The following ROR1 variants were observed in gnomAD, a reference collection of about 807,000 sequenced individuals.
ROR1 encodes the protein ROR family WNT receptor 1.
In ROR1, 19 loss-of-function variants were observed where a neutral mutation model predicts 78.8. The ratio of observed to expected loss-of-function variants is 0.24; its 90% CI spans 0.17 to 0.35. The LOEUF (loss-of-function observed/expected upper bound fraction) is 0.35, where lower values mean the gene tolerates loss of function less well. Ranked by LOEUF, ROR1 falls within the 10% of genes least tolerant of loss-of-function variation. The pLI, the probability that ROR1 is intolerant of heterozygous loss-of-function variation, is 1.00. For missense variants in ROR1, 917 were observed against 1,177.8 expected (o/e 0.78, Z 3.24); for synonymous variants, 386 against 433.6 (o/e 0.89, Z 1.36).
intron 4 of ROR1, among the ~76,000 whole-genome samples, chr1:64,121,059 C>CTTTTTTTTT (rs200292093): frequency 2.7e-4 from 22 of 82,024 alleles, no homozygotes; most frequent in Non-Finnish European, 3.1e-4. Flanking sequence ...GGAGATACCC[C>CTTTTTTTTT]TTTTTTTTTT....
chr1:64,150,793 T>C (rs867712902), intron 7 of ROR1, among the ~76,000 whole-genome samples: 7 of 152,244 alleles, frequency 4.6e-5, no homozygotes, highest in Non-Finnish European at 1.0e-4. Flanking sequence ...CCAAAACTTA[T>C]AGCTAAGTCA....
At chr1:63,851,585 A>G (rs1043789333) in intron 1 of ROR1, among the ~76,000 whole-genome samples, 1 of 152,238 alleles carries the variant, frequency 6.6e-6, no homozygotes, top group Admixed American at 6.5e-5. Flanking sequence ...GGGAAAAATT[A>G]CAATGAATAG....
At chr1:64,111,413 C>T (rs548357041) in intron 4 of ROR1, 2 of 152,288 alleles carry the variant, frequency 1.3e-5, no homozygotes, top group South Asian at 4.1e-4. Context: ...AGTGCTAATC[C>T]AGTTGACTTG....
At chr1:63,882,425 G>A (rs1645329340) in intron 1 of ROR1, among the ~76,000 whole-genome samples, 1 of 152,166 alleles carries the variant, frequency 6.6e-6, no homozygotes, top group Non-Finnish European at 1.5e-5. Flanking sequence ...TATACTGATG[G>A]CTTGGTTAGA....
chr1:64,071,600 G>GAC lies in ROR1; in HGVS notation c.482+20900_482+20901dup, dbSNP rs148629663. Among the ~76,000 whole-genome samples the GAC allele has an allele frequency of 3.5e-4, 41 of 116,558 alleles. 1 individual carries two copies. Among genetic ancestry groups the GAC allele is most frequent in the Middle Eastern group, 4.9e-3 (1 of 204 alleles). The allele number at this position is 116,558 out of a possible 152,430, so 76.5% of individuals were successfully genotyped here. On this transcript the variant is annotated intron_variant, in intron 4 of 8. Transcript: ENST00000371079. ...CCACACAGACACACACACACACACA[G>GAC]ACACACACACACACACAAACCTTGG...
intron 7 of ROR1, among the ~76,000 whole-genome samples, chr1:64,152,630 A>G (rs549484733): frequency 1.1e-4 from 16 of 152,220 alleles, no homozygotes; most frequent in Non-Finnish European, 7.3e-5. Flanking sequence ...TTTATAAACA[A>G]GATCTTTAAC....
In ROR1 at chr1:64,177,434, G is replaced by A; in HGVS notation, c.1393G>A (p.Ala465Thr). The change falls in exon 9 of 9, where the codon GCT (alanine) becomes ACT (threonine). Residue 465 changes from alanine to threonine, a missense_variant. This residue lies in a region of ROR1 where 835 missense variants were observed against 1,069.8 expected (regional missense o/e 0.78). Transcript: ENST00000371079. The stretch of plus-strand genomic sequence containing the variant: ...TTTCCTCTCTTTCATACAGAGCAAG[G>A]CTAAAGAGCTACCTCTTTCTGCTGT... ...MLNAYKPKSK[A>T]KELPLSAVRF... The A allele has an allele frequency of 6.2e-7, 1 of 1,612,546 alleles. No individual in the cohort carries two copies. Among genetic ancestry groups the A allele is most frequent in the Non-Finnish European group, 8.5e-7 (1 of 1,179,230 alleles).
intron 1 of ROR1, among the ~76,000 whole-genome samples, chr1:63,813,834 A>G (rs1055673288): frequency 1.3e-5 from 2 of 152,250 alleles, no homozygotes; most frequent in Non-Finnish European, 2.9e-5. Flanking sequence ...AGATATAGTC[A>G]CATAAGGTCA....
At chr1:64,092,791 C>T (rs777832826) in intron 4 of ROR1, among the ~76,000 whole-genome samples, 4 of 152,146 alleles carry the variant, frequency 2.6e-5, no homozygotes, top group Admixed American at 6.5e-5. Context: ...TTCTTTTCCT[C>T]GTGTGGTTGT....
chr1:64,158,658 G>T (rs893295745), intron 7 of ROR1, among the ~76,000 whole-genome samples: 1 of 152,180 alleles, frequency 6.6e-6, no homozygotes, highest in Admixed American at 6.5e-5. Context: ...TTCACGTGGC[G>T]TTTAACTTTT....
chr1:64,137,304 C>A, intron 4 of ROR1, 65 bp from the exon 5 acceptor site: 2 of 1,584,586 alleles, frequency 1.3e-6, no homozygotes, highest in South Asian at 1.1e-5. Flanking sequence ...ATCGCGCAGT[C>A]AGAGCTTGCT....
intron 2 of ROR1, among the ~76,000 whole-genome samples, chr1:64,038,281 G>T (rs1646719586): frequency 3.9e-5 from 6 of 152,082 alleles, no homozygotes; most frequent in Admixed American, 3.9e-4. Context: ...TGCCCACTCT[G>T]CCTGATAAAA....
chr1:63,840,109 A>G (rs2100312193), intron 1 of ROR1, among the ~76,000 whole-genome samples: 1 of 152,168 alleles, frequency 6.6e-6, no homozygotes, highest in African/African-American at 2.4e-5. Context: ...TTTAAGCCCA[A>G]AGCCCTACAC....
chr1:63,818,875 G>C (rs1644908149), intron 1 of ROR1, among the ~76,000 whole-genome samples: 1 of 152,092 alleles, frequency 6.6e-6, no homozygotes, highest in Non-Finnish European at 1.5e-5. Context: ...TGATTTCTGA[G>C]CTGGGATTTG....
intron 1 of ROR1, among the ~76,000 whole-genome samples, chr1:63,930,897 G>A (rs1364879710): frequency 6.6e-6 from 1 of 152,292 alleles, no homozygotes; most frequent in African/African-American, 2.4e-5. Context: ...CTACACAAAT[G>A]TTAACTATCC....
At chr1:63,860,344 G>T (rs1321258794) in intron 1 of ROR1, among the ~76,000 whole-genome samples, 1 of 152,020 alleles carries the variant, frequency 6.6e-6, no homozygotes, top group Non-Finnish European at 1.5e-5. Context: ...AATGGGGGAA[G>T]TTATGAAAAT....
intron 1 of ROR1, chr1:63,789,251 GC>G: frequency 1.7e-6 from 1 of 582,564 alleles, no homozygotes; most frequent in Non-Finnish European, 3.3e-6. Context: ...CCTTCTTCTT[GC>G]CACAGGGGAG....
chr1:63,806,467 G>A (rs372511151), intron 1 of ROR1, among the ~76,000 whole-genome samples: 230 of 152,080 alleles, frequency 1.5e-3, no homozygotes, highest in South Asian at 0.013. Flanking sequence ...ACAGGTGCCC[G>A]CCACCACGCC....
chr1:64,057,818 T>G (rs1040158440), intron 4 of ROR1, among the ~76,000 whole-genome samples: 10 of 152,216 alleles, frequency 6.6e-5, no homozygotes, highest in Non-Finnish European at 2.9e-5. Flanking sequence ...TTGTTGTTAT[T>G]CTGAGTGCTT....
Sources: allele counts gnomAD v4.1 joint callset (sites outside exome capture counted in the v4.1 genomes callset), GRCh38; gene constraint gnomAD v4.1.1; regional missense constraint gnomAD v4.1.1; transcripts MANE v1.5; gene names NCBI Gene and HGNC (gene_info 2026-07-23, HGNC 2026-07-21).